Variants in NGEF observed in about 807,000 individuals in gnomAD.
The protein encoded by NGEF is ephexin-1.
NGEF carries 31 observed loss-of-function variants against 80.9 expected under a neutral mutation model. The observed-to-expected ratio is 0.38, with a 90% CI of 0.29 to 0.52. The LOEUF is 0.52. Among genes scored for constraint, NGEF ranks in the 20% least tolerant of loss-of-function variants. NGEF has a pLI of 0.84. For synonymous variants in NGEF, 371 were observed against 370.2 expected, an observed-to-expected ratio of 1.00 and a Z score of -0.03; for missense variants, 709 against 926.2, an observed-to-expected ratio of 0.77 and a Z score of 3.04.
intron 5 of NGEF, among the ~76,000 whole-genome samples, chr2:232,903,975 G>A (rs1227332714): frequency 6.6e-6 from 1 of 152,186 alleles, no homozygotes; most frequent in Non-Finnish European, 1.5e-5. Context: ...GTCAGAGGCT[G>A]TACAGATGCA....
intron 3 of NGEF, among the ~76,000 whole-genome samples, chr2:232,953,833 G>A (rs1012087441): frequency 2.0e-5 from 3 of 152,146 alleles, no homozygotes; most frequent in Non-Finnish European, 2.9e-5. Context: ...AGCTGCCGGG[G>A]AAGCGGTGGC....
At chr2:232,978,372 G>A (rs879922829) in intron 1 of NGEF, among the ~76,000 whole-genome samples, 1 of 151,860 alleles carries the variant, frequency 6.6e-6, no homozygotes, top group Non-Finnish European at 1.5e-5. Context: ...AATATTAGCT[G>A]GGCGTGGTGG....
At chr2:232,901,922 C>G (rs559376288) in intron 5 of NGEF, among the ~76,000 whole-genome samples, 1 of 152,260 alleles carries the variant, frequency 6.6e-6, no homozygotes, top group Non-Finnish European at 1.5e-5. Context: ...TGGGAGCTAT[C>G]AGGGCCACCT....
intron 5 of NGEF, among the ~76,000 whole-genome samples, chr2:232,918,527 G>C (rs1485169908): frequency 6.6e-6 from 1 of 151,594 alleles, no homozygotes; most frequent in East Asian, 1.9e-4. Context: ...TTCACTGTTT[G>C]CTCTCCATTT....
rs764165298 is a variant in NGEF at position 232,974,901 on chromosome 2, C to A, written c.-11G>T. Reference sequence around the variant, plus strand: ...TTCCCTGGTCTCCATGGAAATAGAGCCAGATGTTTCTCAGCAGAACGACTG... The same window carrying A: ...TTCCCTGGTCTCCATGGAAATAGAGACAGATGTTTCTCAGCAGAACGACTG... On this transcript the variant is annotated 5_prime_UTR_variant, in exon 2 of 15. Transcript: ENST00000264051. 1.8e-5 allele frequency: 29 copies of A among 1,610,342 alleles called. No homozygotes were observed. Among genetic ancestry groups the A allele is most frequent in the African/African-American group, 2.7e-5 (2 of 74,614 alleles).
At chr2:232,967,768 A>G (rs1236556345) in intron 3 of NGEF, among the ~76,000 whole-genome samples, 1 of 151,766 alleles carries the variant, frequency 6.6e-6, no homozygotes, top group Non-Finnish European at 1.5e-5. Flanking sequence ...AACCTCAGGA[A>G]GGAAGTGTTG....
intron 10 of NGEF, 58 bp downstream of exon 10, chr2:232,885,220 CTG>C: frequency 6.6e-7 from 1 of 1,508,162 alleles, no homozygotes; most frequent in Non-Finnish European, 9.2e-7. Flanking sequence ...ATCTGTGCCT[CTG>C]GGGCGGGGCC....
chr2:232,958,379 A>G (rs1693875652), intron 3 of NGEF, among the ~76,000 whole-genome samples: 1 of 152,150 alleles, frequency 6.6e-6, no homozygotes, highest in South Asian at 2.1e-4. Context: ...GTCCCAGGAT[A>G]CTTCTGGACC....
intron 13 of NGEF, 64 bp from the exon 14 acceptor site, chr2:232,881,314 A>C: frequency 1.5e-6 from 2 of 1,302,302 alleles, no homozygotes; most frequent in Non-Finnish European, 1.1e-6. Flanking sequence ...ACTCCCACCA[A>C]GCCCGCAGCT....
intron 3 of NGEF, among the ~76,000 whole-genome samples, chr2:232,960,413 C>T (rs533643906): frequency 1.3e-4 from 20 of 152,276 alleles, no homozygotes; most frequent in Admixed American, 1.1e-3. Context: ...GACTTTGCCT[C>T]CTGTGGGCAG....
At chr2:232,884,274 G>T in intron 10 of NGEF, 130 bp from the exon 11 acceptor site, 1 of 1,042,760 alleles carries the variant, frequency 9.6e-7, no homozygotes, top group Non-Finnish European at 1.3e-6. Context: ...ACAAGTTGGG[G>T]GGAAAGGCCG....
intron 5 of NGEF, chr2:232,905,949 T>C (rs1321110133): frequency 2.1e-5 from 2 of 96,418 alleles, no homozygotes. Flanking sequence ...GAGGGGCACC[T>C]CTGCCTGGCC....
intron 5 of NGEF, among the ~76,000 whole-genome samples, chr2:232,918,351 C>A (rs1692856574): frequency 6.6e-6 from 1 of 151,906 alleles, no homozygotes; most frequent in African/African-American, 2.4e-5. Context: ...TCTGCCCACC[C>A]CGGCCTCCCA....
intron 1 of NGEF, among the ~76,000 whole-genome samples, chr2:233,011,171 C>T (rs1438104377): frequency 6.6e-6 from 1 of 152,178 alleles, no homozygotes; most frequent in Non-Finnish European, 1.5e-5. Flanking sequence ...GCTTCATCTC[C>T]ACTAGCCTGA....
chr2:232,905,653 T>C (rs1483708738), intron 5 of NGEF: 5 of 361,878 alleles, frequency 1.4e-5, no homozygotes, highest in Non-Finnish European at 2.8e-5. Flanking sequence ...ACCTGGGAAG[T>C]GAGGAGCGCC....
intron 3 of NGEF, among the ~76,000 whole-genome samples, chr2:232,968,105 T>TTTTTTTTTTTTTTA (rs1694102814): frequency 6.6e-6 from 1 of 151,072 alleles, no homozygotes; most frequent in African/African-American, 2.5e-5. Flanking sequence ...TTTTTTTTTT[T>TTTTTTTTTTTTTTA]GAGACAAAGT....
intron 3 of NGEF, among the ~76,000 whole-genome samples, chr2:232,932,595 A>G (rs1371390239): frequency 1.3e-5 from 2 of 152,160 alleles, no homozygotes; most frequent in Non-Finnish European, 2.9e-5. Flanking sequence ...ACTTCTTAGT[A>G]TCAATTTCTG....
chr2:232,879,517 C>G lies in NGEF; in HGVS notation c.2105G>C (p.Arg702Thr). The change falls in exon 15 of 15, where the codon AGG becomes ACG. Residue 702 changes from arginine to threonine, a missense_variant. Arg to Thr is a moderately conservative substitution (Grantham distance 71, BLOSUM62 -1). Around this residue, in one of 2 missense-constraint regions of NGEF, gnomAD observed 426 missense variants for 622.9 expected, o/e 0.68. Transcript: ENST00000264051. ...TTGCCGATTCCGGCTGCCCAGCTTCCTGCGGTCCTTGTTCTGGCTGCGCTG... is the reference window on the plus strand; with the variant it reads ...TTGCCGATTCCGGCTGCCCAGCTTCGTGCGGTCCTTGTTCTGGCTGCGCTG... The part of the protein sequence containing the change: ...DPQRSQNKDR[R>T]KLGSRNRQ The G allele has an allele frequency of 1.9e-6, 3 of 1,611,646 alleles. No homozygotes were observed. Among genetic ancestry groups the G allele is most frequent in the Non-Finnish European group, 2.5e-6 (3 of 1,178,128 alleles).
chr2:233,012,911 G>T (rs547624602), intron 1 of NGEF, 157 bp downstream of exon 1: 9 of 470,788 alleles, frequency 1.9e-5, no homozygotes, highest in African/African-American at 1.8e-4. Flanking sequence ...AGGATCCCTC[G>T]GGTGGAATCC....
Sources: gnomAD v4.1 joint callset for allele counts (sites outside exome capture counted in the v4.1 genomes callset) on GRCh38, gnomAD v4.1.1 for gene constraint, gnomAD v4.1.1 regional missense constraint, MANE v1.5 for transcripts, NCBI Gene and HGNC (gene_info 2026-07-23, HGNC 2026-07-21) for gene names.